Variants in RMDN2 observed in about 807,000 individuals in gnomAD.
RMDN2 encodes regulator of microtubule dynamics 2, also known as regulator of microtubule dynamics protein 2.
Under a neutral mutation model 52.8 loss-of-function variants are expected in RMDN2, and 61 were observed. That is an observed-to-expected ratio of 1.16 (90% CI 0.94 to 1.43). The LOEUF (loss-of-function observed/expected upper bound fraction) is 1.43, where lower values mean the gene tolerates loss of function less well. RMDN2 is among the 40% of genes most tolerant of loss of function. RMDN2 has a pLI of 0.00. For synonymous variants in RMDN2, 180 were observed against 153.1 expected (o/e 1.18, Z -1.30); for missense variants, 592 against 475.3 (o/e 1.25, Z -2.28).
chr2:38,028,378 C>A (rs1379990969), intron 10 of RMDN2, among the ~76,000 whole-genome samples: 1 of 152,144 alleles, frequency 6.6e-6, no homozygotes, highest in Non-Finnish European at 1.5e-5. Flanking sequence ...CTTTCTTTTA[C>A]ATACTCTTTG....
At chr2:38,041,927 C>G (rs1266501471) in intron 10 of RMDN2, among the ~76,000 whole-genome samples, 3 of 151,934 alleles carry the variant, frequency 2.0e-5, no homozygotes, top group Admixed American at 6.6e-5. Flanking sequence ...TTCTTGTGCT[C>G]TCTTTGTCTG....
upstream of RMDN2, among the ~76,000 whole-genome samples, chr2:37,922,314 C>A (rs1293774677): frequency 2.6e-5 from 4 of 151,106 alleles, no homozygotes; most frequent in Non-Finnish European, 4.4e-5. Context: ...CAACAAGGAA[C>A]TAGAAAATGA....
At chr2:38,061,852 A>G (rs1469237176) in intron 10 of RMDN2, among the ~76,000 whole-genome samples, 1 of 152,118 alleles carries the variant, frequency 6.6e-6, no homozygotes, top group Non-Finnish European at 1.5e-5. Context: ...CTCGGCTGGG[A>G]GGTTCCAGCT....
chr2:37,947,258 A>C (rs1668297442), intron 2 of RMDN2, among the ~76,000 whole-genome samples: 1 of 152,104 alleles, frequency 6.6e-6, no homozygotes, highest in Non-Finnish European at 1.5e-5. Flanking sequence ...ATGTGTACAC[A>C]TTATTTAGTT....
At position 37,974,140 on chromosome 2, in the gene RMDN2, A is replaced by T. The variant is rs750528005; in HGVS notation, c.553A>T (p.Lys185Ter). 9 of 1,613,526 alleles carry T rather than the reference A, an allele frequency of 5.6e-6. No individual in the cohort carries two copies. The highest frequency in any genetic ancestry group is 1.7e-5 in the Admixed American group (1 of 59,990). The change falls in exon 3 of 11, where the codon AAG becomes TAG. Residue 185 changes from lysine to a stop codon, truncating the protein, a stop_gained. Coordinates refer to ENST00000354545, the MANE Select transcript of RMDN2 (RefSeq NM_001170791.3). LOFTEE classifies it high-confidence loss of function. ...ATTAAATTTAGATGTCCTTCTTCAG[A>T]AGGTAGATCATTTACGTATGAGTGA... ...EELNLDVLLQ[K>*]VDHLRMSESG...
At chr2:38,012,448 C>G (rs1414387265) in intron 10 of RMDN2, among the ~76,000 whole-genome samples, 1 of 152,062 alleles carries the variant, frequency 6.6e-6, no homozygotes, top group African/African-American at 2.4e-5. Flanking sequence ...TAGAAAGAAC[C>G]AAGGCATTAA....
intron 10 of RMDN2, among the ~76,000 whole-genome samples, chr2:38,008,932 T>A (rs185470819): frequency 6.6e-6 from 1 of 152,214 alleles, no homozygotes; most frequent in African/African-American, 2.4e-5. Flanking sequence ...TTTGCTCGTC[T>A]GTAAGGGATT....
At chr2:37,926,623 A>G (rs574886238) in intron 1 of RMDN2, among the ~76,000 whole-genome samples, 2 of 152,360 alleles carry the variant, frequency 1.3e-5, no homozygotes, top group Admixed American at 1.3e-4. Flanking sequence ...ACAAGTGTAT[A>G]CTATTAACAT....
At chr2:38,048,341 G>A (rs766039952) in intron 10 of RMDN2, among the ~76,000 whole-genome samples, 2 of 152,096 alleles carry the variant, frequency 1.3e-5, no homozygotes, top group Non-Finnish European at 2.9e-5. Flanking sequence ...GAAGAACACC[G>A]GCCTTTACTG....
intron 10 of RMDN2, among the ~76,000 whole-genome samples, chr2:38,007,017 A>C (rs1293457585): frequency 6.6e-6 from 1 of 152,064 alleles, no homozygotes; most frequent in South Asian, 2.1e-4. Flanking sequence ...TTATTGATCT[A>C]CGTATGTTGA....
intron 10 of RMDN2, among the ~76,000 whole-genome samples, chr2:38,024,357 C>T (rs1030166661): frequency 6.6e-6 from 1 of 152,114 alleles, no homozygotes; most frequent in Non-Finnish European, 1.5e-5. Flanking sequence ...AACGGTCAAA[C>T]TGTTTTCCAA....
intron 5 of RMDN2, among the ~76,000 whole-genome samples, chr2:37,986,693 T>A (rs1674064135): frequency 6.6e-6 from 1 of 152,078 alleles, no homozygotes; most frequent in African/African-American, 2.4e-5. Flanking sequence ...ATGATTATTT[T>A]AACAGACACA....
In RMDN2 at chr2:38,015,282, C is replaced by T. The variant is rs1678595566; in HGVS notation, c.1180-1904C>T. Among the ~76,000 whole-genome samples, 4 of 152,242 alleles carry T rather than the reference C, an allele frequency of 2.6e-5. No individual in the cohort carries two copies. In the South Asian group the frequency reaches 8.3e-4, roughly 32 times the overall value. On this transcript the variant is annotated intron_variant, in intron 10 of 10. Coordinates refer to ENST00000354545, the MANE Select transcript of RMDN2 (RefSeq NM_001170791.3). ...AGTACAACGATAGGAATTGTTGACC[C>T]TCGACTGGGCGTGGTGGCTCACAGC...
intron 4 of RMDN2, among the ~76,000 whole-genome samples, chr2:37,978,873 G>C (rs1395550464): frequency 6.6e-6 from 1 of 152,202 alleles, no homozygotes; most frequent in African/African-American, 2.4e-5. Context: ...GCAGAGGATG[G>C]AGGTTGATGC....
intron 2 of RMDN2, among the ~76,000 whole-genome samples, chr2:37,940,936 G>A (rs530642299): frequency 6.6e-6 from 1 of 152,292 alleles, no homozygotes; most frequent in Admixed American, 6.5e-5. Flanking sequence ...TTCCCTTGCT[G>A]GTGAGGAGTT....
intron 8 of RMDN2, among the ~76,000 whole-genome samples, chr2:37,999,960 C>G (rs1382116247): frequency 1.3e-5 from 2 of 152,122 alleles, no homozygotes; most frequent in African/African-American, 4.8e-5. Flanking sequence ...ATAATAATAC[C>G]TACTTTGTAC....
chr2:38,015,471 A>C (rs778947917), intron 10 of RMDN2, among the ~76,000 whole-genome samples: 38 of 151,542 alleles, frequency 2.5e-4, no homozygotes, highest in Non-Finnish European at 4.3e-4. Flanking sequence ...AGGCTGAGGC[A>C]GGGTAATCAC....
chr2:38,046,435 A>G (rs1474994552), intron 10 of RMDN2, among the ~76,000 whole-genome samples: 1 of 152,206 alleles, frequency 6.6e-6, no homozygotes, highest in African/African-American at 2.4e-5. Flanking sequence ...GAGAAAAAAA[A>G]GCAGAAAAAT....
chr2:38,005,067 A>T (rs1332452136), intron 10 of RMDN2, among the ~76,000 whole-genome samples: 1 of 152,106 alleles, frequency 6.6e-6, no homozygotes, highest in Non-Finnish European at 1.5e-5. Context: ...CATGGTGTAT[A>T]TGTGCCACAT....
Sources: gnomAD v4.1 joint callset for allele counts (sites outside exome capture counted in the v4.1 genomes callset) on GRCh38, gnomAD v4.1.1 for gene constraint, MANE v1.5 for transcripts, NCBI Gene and HGNC (gene_info 2026-07-23, HGNC 2026-07-21) for gene names.